Variants in CAMTA1 observed in about 807,000 individuals in gnomAD.
CAMTA1 encodes calmodulin binding transcription activator 1.
CAMTA1 carries 27 observed loss-of-function variants against 170.9 expected under a neutral mutation model. The observed-to-expected ratio is 0.16, with a 90% CI of 0.12 to 0.22. The LOEUF (loss-of-function observed/expected upper bound fraction) is 0.22. Among genes scored for constraint, CAMTA1 ranks in the 10% least tolerant of loss-of-function variants. The pLI, the probability that CAMTA1 is intolerant of heterozygous loss-of-function variation, is 1.00. For synonymous variants in CAMTA1, 833 were observed against 891.5 expected, an observed-to-expected ratio of 0.93 and a Z score of 1.17; for missense variants, 1,619 against 2,217.2, an observed-to-expected ratio of 0.73 and a Z score of 5.42.
intron 4 of CAMTA1, among the ~76,000 whole-genome samples, chr1:7,099,811 C>T (rs1200332631): frequency 6.6e-6 from 1 of 152,126 alleles, no homozygotes; most frequent in Non-Finnish European, 1.5e-5. Context: ...CCAAGCAGGG[C>T]GAGGGGCTGG....
intron 5 of CAMTA1, among the ~76,000 whole-genome samples, chr1:7,312,360 T>C (rs1017943824): frequency 2.0e-5 from 3 of 149,210 alleles, no homozygotes; most frequent in African/African-American, 7.5e-5. Flanking sequence ...GTCCAGAGCC[T>C]GTTTTCTTGC....
chr1:7,374,527 C>T (rs2086704972), intron 5 of CAMTA1, among the ~76,000 whole-genome samples: 1 of 152,264 alleles, frequency 6.6e-6, no homozygotes, highest in South Asian at 2.1e-4. Flanking sequence ...TGCTCCATTG[C>T]AGCCTTGCCT....
intron 11 of CAMTA1, among the ~76,000 whole-genome samples, chr1:7,710,049 A>G (rs997374621): frequency 6.6e-6 from 1 of 152,146 alleles, no homozygotes; most frequent in Non-Finnish European, 1.5e-5. Flanking sequence ...TGTGTCTGTT[A>G]TGACGCCACA....
chr1:7,414,586 T>C (rs1245810963), intron 5 of CAMTA1, among the ~76,000 whole-genome samples: 1 of 152,258 alleles, frequency 6.6e-6, no homozygotes. Flanking sequence ...TTTGTATTTC[T>C]GTGGGATCGG....
intron 5 of CAMTA1, among the ~76,000 whole-genome samples, chr1:7,329,126 T>C (rs961330443): frequency 3.3e-5 from 5 of 152,122 alleles, no homozygotes; most frequent in African/African-American, 1.2e-4. Flanking sequence ...AGAGTGTGAT[T>C]ATCTTCACTT....
chr1:6,896,645 G>A (rs1675728160), intron 3 of CAMTA1, among the ~76,000 whole-genome samples: 2 of 152,122 alleles, frequency 1.3e-5, no homozygotes, highest in South Asian at 4.2e-4. Context: ...AGGCAGTTGT[G>A]ATTCCTTCCC....
chr1:7,702,147 G>A (rs527527454), intron 11 of CAMTA1, among the ~76,000 whole-genome samples: 50 of 152,076 alleles, frequency 3.3e-4, no homozygotes, highest in African/African-American at 1.2e-3. Context: ...GTCACCCCAG[G>A]CTCCTGACCC....
At chr1:7,280,275 C>G (rs556501129) in intron 5 of CAMTA1, among the ~76,000 whole-genome samples, 1 of 152,122 alleles carries the variant, frequency 6.6e-6, no homozygotes, top group South Asian at 2.1e-4. Flanking sequence ...TTCTGAATTG[C>G]GCCCACCAGG....
chr1:7,025,230 G>A (rs985346279), intron 3 of CAMTA1, among the ~76,000 whole-genome samples: 10 of 152,218 alleles, frequency 6.6e-5, no homozygotes, highest in Admixed American at 2.6e-4. Flanking sequence ...ACCTATTGCC[G>A]CGGTAGCTGA....
intron 4 of CAMTA1, among the ~76,000 whole-genome samples, chr1:7,150,562 C>T (rs1639928829): frequency 6.6e-6 from 1 of 152,064 alleles, no homozygotes; most frequent in Admixed American, 6.6e-5. Flanking sequence ...CCCTGGTTTC[C>T]ACCCACTAGA....
chr1:6,970,855 G>T lies in CAMTA1; in HGVS notation c.235-120449G>T, dbSNP rs538192038. Among the ~76,000 whole-genome samples the T allele has an allele frequency of 1.2e-4, 19 of 152,260 alleles. No homozygotes were observed. The East Asian group carries it at 3.3e-3, about 26-fold the overall frequency. On this transcript the variant is annotated intron_variant, in intron 3 of 22. Coordinates refer to ENST00000303635, the MANE Select transcript of CAMTA1 (RefSeq NM_015215.4). This position sits in a 1 kb window ranked among gnomAD's most constrained non-coding sequence, Gnocchi z 4.4. ...AATGAACAGCCAGGTGTTCCCTGAG[G>T]CCAGTGGTAGTGTCTGCATGGACCG...
chr1:7,625,794 G>A (rs2095629375), intron 6 of CAMTA1, among the ~76,000 whole-genome samples: 1 of 152,196 alleles, frequency 6.6e-6, no homozygotes. Flanking sequence ...TCCTGCAAAG[G>A]CATGTGCTCT....
rs185214727 is a variant in CAMTA1, at chr1:6,803,506, T to C, written c.46-16675T>C. Among the ~76,000 whole-genome samples, 6 of 152,332 alleles carry C rather than the reference T, an allele frequency of 3.9e-5. No individual in the cohort carries two copies. The East Asian group carries it at 9.7e-4, about 25-fold the overall frequency. ...CTGTGAAAGAATAGTAGTTTGGAGA[T>C]AACTATGTAAAGGGCTACTAGCCTG... On this transcript the variant is annotated intron_variant, in intron 1 of 22. Transcript: ENST00000303635.
At chr1:7,611,443 G>A (rs2095523112) in intron 6 of CAMTA1, among the ~76,000 whole-genome samples, 2 of 152,204 alleles carry the variant, frequency 1.3e-5, no homozygotes, top group Non-Finnish European at 2.9e-5. Flanking sequence ...CTGAGTCCAG[G>A]AGGAGGCCAG....
rs373298849 is a variant in CAMTA1 at position 7,186,791 on chromosome 1, T to G, written c.303-62700T>G. On this transcript the variant is annotated intron_variant, in intron 4 of 22. Coordinates refer to ENST00000303635, the MANE Select transcript of CAMTA1 (RefSeq NM_015215.4). Reference sequence around the variant, plus strand: ...TGCAATAAGCCAGGTCCACGGAGAATGAATGCTGTAGTTTAGGGGAGAGAA... The same window carrying G: ...TGCAATAAGCCAGGTCCACGGAGAAGGAATGCTGTAGTTTAGGGGAGAGAA... 3.3e-5 allele frequency among the ~76,000 whole-genome samples: 5 copies of G among 152,158 alleles called. No homozygotes were observed. The East Asian group carries it at 7.7e-4, about 23-fold the overall frequency.
intron 3 of CAMTA1, among the ~76,000 whole-genome samples, chr1:6,950,720 C>CG (rs1020004380): frequency 5.9e-5 from 9 of 151,902 alleles, no homozygotes; most frequent in African/African-American, 2.2e-4. Context: ...CCCCACCCCC[C>CG]AGCCCCACCA....
rs1248096356 is a variant in CAMTA1, at chr1:7,498,425, A to G, written c.510+30524A>G. Among the ~76,000 whole-genome samples the G allele has an allele frequency of 4.9e-5, 7 of 143,268 alleles. No individual in the cohort carries two copies. In the South Asian group the frequency reaches 8.9e-4, roughly 18 times the overall value. The allele number at this position is 143,268 out of a possible 152,430, so 94.0% of individuals were successfully genotyped here. ...TGTATGAGTGTGTATGAGTGTGTGG[A>G]TGTGCGTGTGTATGAGTGTGTGTGA... On this transcript the variant is annotated intron_variant, in intron 6 of 22. Transcript: ENST00000303635.
chr1:7,752,571 A>G (rs752893708), intron 21 of CAMTA1, 38 bp downstream of exon 21: 22 of 1,505,486 alleles, frequency 1.5e-5, no homozygotes, highest in Non-Finnish European at 2.0e-5. Context: ...GCTCAGGGAG[A>G]ATGATGAAGC....
At chr1:7,250,489 G>A (rs147186972) in intron 5 of CAMTA1, among the ~76,000 whole-genome samples, 31 of 152,268 alleles carry the variant, frequency 2.0e-4, no homozygotes, top group East Asian at 1.5e-3. Flanking sequence ...CTGTTATTTC[G>A]AACGGGTCAA....
Sources: allele counts gnomAD v4.1 joint callset (sites outside exome capture counted in the v4.1 genomes callset), GRCh38; gene constraint gnomAD v4.1.1; non-coding constraint Gnocchi (gnomAD v3.1); transcripts MANE v1.5; gene names NCBI Gene and HGNC (gene_info 2026-07-23, HGNC 2026-07-21).